The following SUMF1 variants were observed in gnomAD, a reference collection of about 807,000 sequenced individuals.
SUMF1 encodes the protein sulfatase modifying factor 1.
Under a neutral mutation model 47.6 loss-of-function variants are expected in SUMF1, and 48 were observed. The ratio of observed to expected loss-of-function variants is 1.01; its 90% CI spans 0.80 to 1.28. The LOEUF is 1.28. Ranked by LOEUF, SUMF1 falls within the 50% of genes most tolerant of loss-of-function variation. SUMF1 has a pLI of 0.00. For missense variants in SUMF1, 571 were observed against 485.4 expected, an observed-to-expected ratio of 1.18 and a Z score of -1.66; for synonymous variants, 230 against 192.1, an observed-to-expected ratio of 1.20 and a Z score of -1.63.
chr3:4,048,956 C>T (rs1695055966), intron 9 of SUMF1, among the ~76,000 whole-genome samples: 1 of 152,104 alleles, frequency 6.6e-6, no homozygotes, highest in African/African-American at 2.4e-5. Flanking sequence ...TCTGTAACAT[C>T]CAAGGCTTCT....
chr3:4,281,493 G>A (rs946833461), intron 8 of SUMF1, among the ~76,000 whole-genome samples: 1 of 152,134 alleles, frequency 6.6e-6, no homozygotes, highest in Non-Finnish European at 1.5e-5. Context: ...TACAGGTAAA[G>A]TAACTGAGAT....
At chr3:4,340,383 A>G (rs991333314) in intron 8 of SUMF1, among the ~76,000 whole-genome samples, 15 of 152,268 alleles carry the variant, frequency 9.9e-5, no homozygotes, top group African/African-American at 3.4e-4. Flanking sequence ...CCTGAGCTGC[A>G]TCCTTTTGTG....
intron 8 of SUMF1, among the ~76,000 whole-genome samples, chr3:4,301,693 T>C (rs113503518): frequency 1.1e-3 from 169 of 152,296 alleles, no homozygotes; most frequent in African/African-American, 3.7e-3. Flanking sequence ...AGTGGCTCTG[T>C]AGATCACAAA....
chr3:4,377,868 C>T (rs796958112), intron 7 of SUMF1, among the ~76,000 whole-genome samples: 62 of 152,312 alleles, frequency 4.1e-4, no homozygotes, highest in African/African-American at 1.4e-3. Flanking sequence ...GCTCCAAAAA[C>T]GCAAGAGGCC....
chr3:4,088,022 C>T (rs544411054), intron 8 of SUMF1, among the ~76,000 whole-genome samples: 1 of 152,096 alleles, frequency 6.6e-6, no homozygotes, highest in South Asian at 2.1e-4. Flanking sequence ...TACAATTTTT[C>T]CTAAGCAGAA....
intron 8 of SUMF1, among the ~76,000 whole-genome samples, chr3:4,108,962 T>C (rs1042431555): frequency 5.3e-4 from 80 of 152,198 alleles, no homozygotes; most frequent in Non-Finnish European, 9.7e-4. Flanking sequence ...TTTGATCCTG[T>C]CATTATGATG....
intron 8 of SUMF1, among the ~76,000 whole-genome samples, chr3:4,115,642 G>T (rs76608879): frequency 0.031 from 4,688 of 152,078 alleles, 270 homozygotes; most frequent in African/African-American, 0.11. Flanking sequence ...AGGGGGATAA[G>T]GGAACTTTCC....
intron 8 of SUMF1, among the ~76,000 whole-genome samples, chr3:4,089,838 G>A (rs944209125): frequency 6.6e-6 from 1 of 152,028 alleles, no homozygotes. Context: ...TTCATCTCAT[G>A]CTGGTCCTTC....
At chr3:4,317,292 C>A in intron 8 of SUMF1, 3 of 1,303,182 alleles carry the variant, frequency 2.3e-6, no homozygotes, top group Admixed American at 2.3e-5. Flanking sequence ...ATTCACAGTC[C>A]AAAACCGCAG....
chr3:4,453,337 C>T (rs1021085670), intron 1 of SUMF1, among the ~76,000 whole-genome samples: 10 of 152,104 alleles, frequency 6.6e-5, no homozygotes, highest in African/African-American at 1.9e-4. Flanking sequence ...AAGCCGCTAA[C>T]GGCTAGAATG....
chr3:4,449,123 C>T, intron 3 of SUMF1, 143 bp downstream of exon 3: 1 of 899,552 alleles, frequency 1.1e-6, no homozygotes, highest in Non-Finnish European at 1.9e-6. Flanking sequence ...GTCCATGGGC[C>T]TATTATTTGG....
rs11929477 is a variant in SUMF1 at position 4,349,340 on chromosome 3, G to C, written c.1014+26990C>G. 9.8e-3 allele frequency among the ~76,000 whole-genome samples: 1,498 copies of C among 152,302 alleles called. 19 individuals carry two copies. The highest frequency in any genetic ancestry group is 0.033 in the African/African-American group (1,358 of 41,556). ...ATTAAAAAATCAAGAAACAATAGAGGCTAGTGAGGCTGTGGAGAAGTAGGA... is the reference window on the plus strand; with the variant it reads ...ATTAAAAAATCAAGAAACAATAGAGCCTAGTGAGGCTGTGGAGAAGTAGGA... On this transcript the variant is annotated intron_variant and NMD_transcript_variant, in intron 8 of 12. Coordinates refer to the SUMF1 transcript ENST00000448413.
Position 4,301,296 on chromosome 3 carries a change from G to A in SUMF1, c.1014+75034C>T, listed in dbSNP as rs1316480480. ...TTTTGAGGGAATGTCAACAGAACAA[G>A]GGGTTCCAACAGAGAACAGCAGCAA... On this transcript the variant is annotated intron_variant and NMD_transcript_variant, in intron 8 of 12. Coordinates refer to the SUMF1 transcript ENST00000448413. Among the ~76,000 whole-genome samples the A allele has an allele frequency of 2.0e-5, 3 of 152,144 alleles. No homozygotes were observed. The East Asian group carries it at 5.8e-4, about 29-fold the overall frequency.
intron 7 of SUMF1, among the ~76,000 whole-genome samples, chr3:4,391,246 TTG>T (rs1331678496): frequency 1.3e-5 from 2 of 152,176 alleles, no homozygotes; most frequent in African/African-American, 4.8e-5. Flanking sequence ...TTTTTTGTTT[TTG>T]TTTTTGTTTT....
intron 8 of SUMF1, chr3:4,316,605 C>G: frequency 6.4e-7 from 1 of 1,551,240 alleles, no homozygotes; most frequent in South Asian, 1.2e-5. Flanking sequence ...AAAAAATCGT[C>G]GTTTTGAAGT....
chr3:4,440,827 G>T (rs711642), intron 3 of SUMF1, among the ~76,000 whole-genome samples: 137,862 of 152,258 alleles, frequency 0.91, 63,871 homozygotes, highest in Non-Finnish European at 1. Flanking sequence ...AATGAAGAGA[G>T]AATCCTTGTT....
chr3:4,108,494 T>C (rs993746464), intron 8 of SUMF1, among the ~76,000 whole-genome samples: 5 of 152,024 alleles, frequency 3.3e-5, no homozygotes, highest in Non-Finnish European at 5.9e-5. Context: ...CTTTCTGTCT[T>C]GTTGATCTGT....
In SUMF1 at chr3:4,373,749, C is replaced by T. The variant is rs1700239075; in HGVS notation, c.1014+2581G>A. 2.0e-5 allele frequency among the ~76,000 whole-genome samples: 3 copies of T among 152,068 alleles called. No homozygotes were observed. In the South Asian group the frequency reaches 6.2e-4, roughly 32 times the overall value. On this transcript the variant is annotated intron_variant, in intron 8 of 8. Coordinates refer to ENST00000272902, the MANE Select transcript of SUMF1 (RefSeq NM_182760.4). ...AAACCAAAATCAGATAAAGACATTA[C>T]AAGAAAACACAGAATAAACTAGATT...
chr3:4,323,166 G>A (rs891269134), intron 8 of SUMF1, among the ~76,000 whole-genome samples: 7 of 152,124 alleles, frequency 4.6e-5, no homozygotes, highest in Non-Finnish European at 8.8e-5. Context: ...TCCATGCAAT[G>A]GAATATTGTT....
Sources: gnomAD v4.1 joint callset for allele counts (sites outside exome capture counted in the v4.1 genomes callset) on GRCh38, gnomAD v4.1.1 for gene constraint, MANE v1.5 for transcripts, NCBI Gene and HGNC (gene_info 2026-07-23, HGNC 2026-07-21) for gene names.